The following CARD8 variants were observed in gnomAD, a reference collection of about 807,000 sequenced individuals.
The protein encoded by CARD8 is caspase recruitment domain-containing protein 8.
A neutral mutation model predicts 53.2 loss-of-function variants in CARD8; 38 were observed. The observed-to-expected ratio is 0.71, with a 90% confidence interval of 0.55 to 0.94. CARD8 has a LOEUF of 0.94. Ranked by LOEUF, CARD8 falls within the 40% of genes least tolerant of loss-of-function variation. The probability of loss-of-function intolerance (pLI) is 0.00; values close to 1 mark genes in which losing one functional copy is unlikely to be tolerated. For missense variants in CARD8, 561 were observed against 655.5 expected, an observed-to-expected ratio of 0.86 and a Z score of 1.57; for synonymous variants, 245 against 244.9, an observed-to-expected ratio of 1.00 and a Z score of 0.00.
At chr19:48,229,258 T>TA (rs35075012) in intron 10 of CARD8, among the ~76,000 whole-genome samples, 6,039 of 152,174 alleles carry the variant, frequency 0.04, 379 homozygotes, top group African/African-American at 0.13. Flanking sequence ...ACAATGAGGT[T>TA]TTTCCATCCC....
intron 13 of CARD8, among the ~76,000 whole-genome samples, chr19:48,214,489 G>A (rs1483468549): frequency 6.6e-6 from 1 of 152,116 alleles, no homozygotes; most frequent in East Asian, 1.9e-4. Context: ...AACCTCTTAC[G>A]GAGGTTGAGC....
intron 10 of CARD8, among the ~76,000 whole-genome samples, chr19:48,222,166 T>C (rs16981829): frequency 0.28 from 42,655 of 152,154 alleles, 6,461 homozygotes; most frequent in East Asian, 0.49. Flanking sequence ...TGTGGAAAGA[T>C]TGGCTGCGTA....
chr19:48,240,843 A>G (rs2146660143), intron 4 of CARD8, 119 bp downstream of exon 4: 2 of 839,052 alleles, frequency 2.4e-6, no homozygotes, highest in East Asian at 5.3e-5. Context: ...GTGAATGAAT[A>G]AAATGTGAGC....
intron 3 of CARD8, among the ~76,000 whole-genome samples, chr19:48,243,529 T>C (rs1169633609): frequency 6.6e-6 from 1 of 152,234 alleles, no homozygotes; most frequent in Non-Finnish European, 1.5e-5. Flanking sequence ...TCTCACAGCC[T>C]GCGAAAAATT....
In CARD8 at chr19:48,230,475, T is replaced by C; in HGVS notation, c.998A>G (p.His333Arg). 1 of 1,613,510 alleles carries C rather than the reference T, an allele frequency of 6.2e-7. No homozygotes were observed. The highest frequency in any genetic ancestry group is 1.1e-5 in the South Asian group (1 of 91,024). The change falls in exon 10 of 14, where the codon CAC (histidine) becomes CGC (arginine). Residue 333 changes from histidine to arginine, a missense_variant. His to Arg is a conservative substitution (Grantham distance 29). Transcript: ENST00000651546. The part of the protein sequence containing the change: ...YHPHPEDIKF[H>R]LYLVPSDALL... Reference sequence around the variant, plus strand: ...GGCGTCGCTGGGGACAAGGTACAAGTGGAACTTAATATCTTCGGGGTGGGG... The same window carrying C: ...GGCGTCGCTGGGGACAAGGTACAAGCGGAACTTAATATCTTCGGGGTGGGG...
chr19:48,250,999 C>CA, intron 1 of CARD8, among the ~76,000 whole-genome samples: 1 of 152,314 alleles, frequency 6.6e-6, no homozygotes, highest in South Asian at 2.1e-4. Context: ...TTGAAGAACT[C>CA]AAACAGTTAT....
At chr19:48,229,554 A>G (rs1848481520) in intron 10 of CARD8, among the ~76,000 whole-genome samples, 1 of 152,146 alleles carries the variant, frequency 6.6e-6, no homozygotes, top group South Asian at 2.1e-4. Context: ...GGGATGTTGG[A>G]GCATTAGACG....
intron 10 of CARD8, among the ~76,000 whole-genome samples, chr19:48,227,561 T>C (rs1386895913): frequency 6.6e-6 from 1 of 151,896 alleles, no homozygotes; most frequent in Admixed American, 6.6e-5. Context: ...TCCCAACACT[T>C]TGGGAGGCCA....
chr19:48,220,985 G>GGAAGGAAGGAAGGAAAGAAA (rs2040449626), intron 11 of CARD8, among the ~76,000 whole-genome samples: 1 of 95,228 alleles, frequency 1.1e-5, no homozygotes, highest in Non-Finnish European at 2.2e-5. Context: ...AAGGAAGGAA[G>GGAAGGAAGGAAGGAAAGAAA]GAAGGAAGGA....
chr19:48,255,239 G>A (rs528335156), intron 1 of CARD8, among the ~76,000 whole-genome samples: 1 of 152,086 alleles, frequency 6.6e-6, no homozygotes, highest in African/African-American at 2.4e-5. Context: ...GGTGGTGCAC[G>A]CCTGTAGTCC....
intron 10 of CARD8, among the ~76,000 whole-genome samples, chr19:48,225,527 AGAGGG>A (rs2041592116): frequency 2.0e-5 from 3 of 152,216 alleles, no homozygotes; most frequent in Admixed American, 2.0e-4. Context: ...GGACCAGACT[AGAGGG>A]CCTACTAAAG....
At position 48,214,420 on chromosome 19, in the gene CARD8, C is replaced by T. The variant is rs187094116; in HGVS notation, c.1348+920G>A. 3.1e-3 allele frequency among the ~76,000 whole-genome samples: 473 copies of T among 152,278 alleles called. 2 individuals carry two copies. The highest frequency in any genetic ancestry group is 0.011 in the African/African-American group (440 of 41,550). The stretch of plus-strand genomic sequence containing the variant: ...GATCAGCAGCTTCCCAATAAGATCT[C>T]GGGAACTGGGCCAGTGGGCTCAAGA... On this transcript the variant is annotated intron_variant, in intron 13 of 13. Coordinates refer to ENST00000651546, the MANE Select transcript of CARD8 (RefSeq NM_001184900.3).
At chr19:48,237,104 G>C (rs1383607808) in intron 5 of CARD8, among the ~76,000 whole-genome samples, 2 of 152,062 alleles carry the variant, frequency 1.3e-5, no homozygotes, top group East Asian at 1.9e-4. Context: ...CATTGCTATA[G>C]AGGACTGTCT....
rs113545522 is a variant in CARD8 at position 48,246,499 on chromosome 19, T to C, written c.-44+3024A>G. Among the ~76,000 whole-genome samples, 451 of 152,266 alleles carry C rather than the reference T, an allele frequency of 3.0e-3. 2 individuals carry two copies. The highest frequency in any genetic ancestry group is 0.01 in the African/African-American group (431 of 41,548). ...GAAAGACCTGGGGAATCCATGCATG[T>C]ATACCGAACTGTGCCTACACATGCC... On this transcript the variant is annotated intron_variant, in intron 3 of 13. Transcript: ENST00000651546.
chr19:48,231,712 G>T lies in CARD8; in HGVS notation c.490C>A (p.Pro164Thr), dbSNP rs917658937. Residue 164 changes from proline (P) to threonine (T), a missense_variant, in exon 8 of 14, where the codon CCT becomes ACT. By Grantham distance (38) the Pro-to-Thr change is conservative. Transcript: ENST00000651546. ...AACTCAACATCCACATTTCCTTCAGGCCCCAGAAACTGACGATTTTTATAA... is the reference window on the plus strand; with the variant it reads ...AACTCAACATCCACATTTCCTTCAGTCCCCAGAAACTGACGATTTTTATAA... ...EDYKNRQFLG[P>T]EGNVDVELID... is the part of the protein sequence containing the mutation. 1 of 1,612,718 alleles carries T rather than the reference G, an allele frequency of 6.2e-7. No homozygotes were observed.
At chr19:48,229,804 A>G (rs1600369147) in intron 10 of CARD8, among the ~76,000 whole-genome samples, 1 of 152,160 alleles carries the variant, frequency 6.6e-6, no homozygotes, top group African/African-American at 2.4e-5. Context: ...TGTAATTCAC[A>G]TATTATCCAT....
intron 7 of CARD8, 87 bp downstream of exon 7, chr19:48,232,366 G>T: frequency 7.9e-7 from 1 of 1,261,564 alleles, no homozygotes; most frequent in Non-Finnish European, 1.1e-6. Context: ...CTGCACAAAA[G>T]ACTCTAAATT....
intron 5 of CARD8, among the ~76,000 whole-genome samples, chr19:48,235,733 T>C (rs1207386154): frequency 2.6e-5 from 4 of 151,994 alleles, no homozygotes; most frequent in Non-Finnish European, 4.4e-5. Flanking sequence ...CACAAAAGGT[T>C]ACAACAGTGA....
At chr19:48,233,203 A>G (rs1331868933) in intron 6 of CARD8, 1 of 387,054 alleles carries the variant, frequency 2.6e-6, no homozygotes, top group Non-Finnish European at 5.1e-6. Flanking sequence ...TATGGGTTCT[A>G]TGACATACAG....
Sources: allele counts gnomAD v4.1 joint callset (sites outside exome capture counted in the v4.1 genomes callset), GRCh38; gene constraint gnomAD v4.1.1; transcripts MANE v1.5; gene names NCBI Gene and HGNC (gene_info 2026-07-23, HGNC 2026-07-21).